Variants in ZFHX3 observed in about 807,000 individuals in gnomAD.
ZFHX3 encodes the protein zinc finger homeobox protein 3.
A neutral mutation model predicts 279.1 loss-of-function variants in ZFHX3; 42 were observed. The ratio of observed to expected loss-of-function variants is 0.15; its 90% CI spans 0.12 to 0.19. The LOEUF is 0.19. Ranked by LOEUF, ZFHX3 falls within the 10% of genes least tolerant of loss-of-function variation. ZFHX3 has a pLI of 1.00. For synonymous variants in ZFHX3, 2,293 were observed against 1,957.8 expected (o/e 1.17, Z -4.52); for missense variants, 4,981 against 4,754.0 (o/e 1.05, Z -1.40).
At chr16:73,045,147 C>T (rs1364318411) in intron 1 of ZFHX3, among the ~76,000 whole-genome samples, 1 of 152,176 alleles carries the variant, frequency 6.6e-6, no homozygotes, top group Non-Finnish European at 1.5e-5. Context: ...AAAAAAGCTC[C>T]TACCCCTGAA....
Position 73,396,751 on chromosome 16 carries a change from T to C in ZFHX3, c.-1291+59252A>G, listed in dbSNP as rs570830982. On this transcript the variant is annotated intron_variant, in intron 3 of 17. Transcript: ENST00000641206. Reference sequence around the variant, plus strand: ...CATGATCCAATCACCTCCCACCAGGTCCCTCCCTCGACATGTAGGGGTTAC... The same window carrying C: ...CATGATCCAATCACCTCCCACCAGGCCCCTCCCTCGACATGTAGGGGTTAC... 2.2e-4 allele frequency among the ~76,000 whole-genome samples: 34 copies of C among 152,234 alleles called. No homozygotes were observed. In the South Asian group the frequency reaches 6.8e-3, roughly 31 times the overall value.
chr16:72,891,869 G>A (rs906584424), intron 3 of ZFHX3, among the ~76,000 whole-genome samples: 2 of 152,188 alleles, frequency 1.3e-5, no homozygotes, highest in Middle Eastern at 3.2e-3. Context: ...TGCCCACGTT[G>A]CTTGTCTCCT....
At chr16:73,155,801 C>A (rs544295100) in intron 5 of ZFHX3, among the ~76,000 whole-genome samples, 2 of 150,684 alleles carry the variant, frequency 1.3e-5, no homozygotes, top group Non-Finnish European at 2.9e-5. Context: ...CCAGCCTGGG[C>A]GACAAGAGAG....
At chr16:73,841,663 G>C (rs1961312655) in intron 1 of ZFHX3, among the ~76,000 whole-genome samples, 1 of 152,282 alleles carries the variant, frequency 6.6e-6, no homozygotes, top group South Asian at 2.1e-4. Context: ...CCATCCGGGA[G>C]CTCTCTTGGA....
chr16:73,708,091 G>A (rs2053323580), intron 1 of ZFHX3, among the ~76,000 whole-genome samples: 1 of 148,572 alleles, frequency 6.7e-6, no homozygotes, highest in African/African-American at 2.5e-5. Flanking sequence ...GGGGGGGGAA[G>A]TATTTACAAT....
intron 9 of ZFHX3, chr16:72,791,577 A>T (rs1205313982): frequency 6.6e-6 from 1 of 152,156 alleles, no homozygotes; most frequent in African/African-American, 2.4e-5. Context: ...TGGCCCTCAG[A>T]TTTCTCATCT....
At chr16:73,397,853 G>C (rs994609889) in intron 3 of ZFHX3, among the ~76,000 whole-genome samples, 3 of 152,078 alleles carry the variant, frequency 2.0e-5, no homozygotes, top group African/African-American at 7.2e-5. Flanking sequence ...TTTCGCTTTT[G>C]TTTCTTTTGG....
chr16:73,173,021 T>TG, intron 5 of ZFHX3, among the ~76,000 whole-genome samples: 1 of 107,338 alleles, frequency 9.3e-6, no homozygotes, highest in Non-Finnish European at 1.8e-5. Context: ...TTTTTTTTTT[T>TG]TTTTTGGGAG....
At chr16:73,667,061 G>A (rs530507740) in intron 2 of ZFHX3, among the ~76,000 whole-genome samples, 15 of 151,924 alleles carry the variant, frequency 9.9e-5, no homozygotes, top group East Asian at 9.7e-4. Context: ...GCACCATCTC[G>A]GCTCACTACA....
rs142456451 is a variant in ZFHX3, at chr16:72,899,812, C to T, written c.3217-9850G>A. On this transcript the variant is annotated intron_variant, in intron 3 of 9. Coordinates refer to ENST00000268489, the MANE Select transcript of ZFHX3 (RefSeq NM_006885.4). ...ATTCATATAAAATGTGTCTGATACA[C>T]GGTTAGCCTTCATAATAAATGAGGC... is the stretch of plus-strand genomic sequence containing the variant. Among the ~76,000 whole-genome samples the T allele has an allele frequency of 5.5e-4, 83 of 152,226 alleles. No homozygotes were observed. The Middle Eastern group carries it at 0.01, about 19-fold the overall frequency.
At chr16:72,988,932 T>C (rs537581546) in intron 1 of ZFHX3, among the ~76,000 whole-genome samples, 26 of 152,098 alleles carry the variant, frequency 1.7e-4, no homozygotes, top group Admixed American at 1.7e-3. Flanking sequence ...TTCCAGCACT[T>C]TGGGAGGCCA....
chr16:73,581,843 T>C (rs1381230261), intron 2 of ZFHX3, among the ~76,000 whole-genome samples: 1 of 151,346 alleles, frequency 6.6e-6, no homozygotes, highest in Admixed American at 6.6e-5. Flanking sequence ...CTGGCTAATT[T>C]TTTTGTATTT....
At chr16:73,583,728 T>A (rs2051886041) in intron 2 of ZFHX3, among the ~76,000 whole-genome samples, 1 of 152,206 alleles carries the variant, frequency 6.6e-6, no homozygotes, top group Admixed American at 6.5e-5. Context: ...AATGTCCCAC[T>A]GTAAATAAAC....
intron 1 of ZFHX3, among the ~76,000 whole-genome samples, chr16:73,885,742 TA>T (rs2030325381): frequency 6.6e-6 from 1 of 152,154 alleles, no homozygotes; most frequent in African/African-American, 2.4e-5. Context: ...TTACAAACCT[TA>T]AAAGTAAATT....
chr16:73,682,898 GAAAGAA>G (rs1567550544), intron 1 of ZFHX3, among the ~76,000 whole-genome samples: 8,022 of 50,442 alleles, frequency 0.16, 756 homozygotes, highest in East Asian at 0.44. Context: ...AAGAAAGAAA[GAAAGAA>G]AGAGAAAGAA....
intron 1 of ZFHX3, among the ~76,000 whole-genome samples, chr16:73,845,756 G>A (rs1029703726): frequency 6.6e-6 from 1 of 152,192 alleles, no homozygotes; most frequent in Non-Finnish European, 1.5e-5. Flanking sequence ...AATCCATGAA[G>A]TAAGGCATGT....
At chr16:73,192,455 G>A (rs144927035) in intron 5 of ZFHX3, among the ~76,000 whole-genome samples, 1 of 152,134 alleles carries the variant, frequency 6.6e-6, no homozygotes, top group Non-Finnish European at 1.5e-5. Context: ...AGCGGCCCTG[G>A]TGTTAATTTC....
At chr16:73,474,778 C>G (rs2018736675) in intron 2 of ZFHX3, among the ~76,000 whole-genome samples, 1 of 152,228 alleles carries the variant, frequency 6.6e-6, no homozygotes, top group South Asian at 2.1e-4. Context: ...TAAGAAAGTG[C>G]TTGGCACATA....
chr16:73,241,081 C>A (rs2013107415), intron 5 of ZFHX3, among the ~76,000 whole-genome samples: 1 of 152,158 alleles, frequency 6.6e-6, no homozygotes, highest in Non-Finnish European at 1.5e-5. Context: ...AAAGACTAGG[C>A]AATTGATGAG....
Sources: gnomAD v4.1 joint callset for allele counts (sites outside exome capture counted in the v4.1 genomes callset) on GRCh38, gnomAD v4.1.1 for gene constraint, MANE v1.5 for transcripts, NCBI Gene and HGNC (gene_info 2026-07-23, HGNC 2026-07-21) for gene names.